CIITA: variants seen among roughly 807,000 people sequenced by gnomAD.
CIITA encodes the protein MHC class II transactivator.
Under a neutral mutation model 115.1 loss-of-function variants are expected in CIITA, and 72 were observed. The observed-to-expected ratio is 0.63, with a 90% CI of 0.52 to 0.76. The LOEUF (loss-of-function observed/expected upper bound fraction) is 0.76. CIITA is among the 30% of genes least tolerant of loss of function. The pLI, the probability that CIITA is intolerant of heterozygous loss-of-function variation, is 0.00. For synonymous variants in CIITA, 763 were observed against 635.6 expected (o/e 1.20, Z -3.02); for missense variants, 1,617 against 1,463.8 (o/e 1.10, Z -1.71).
At chr16:10,872,975 T>C (rs1285538977), upstream of CIITA, among the ~76,000 whole-genome samples, 1 of 152,216 alleles carries the variant, frequency 6.6e-6, no homozygotes, top group Admixed American at 6.5e-5. Context: ...TATTTTATTA[T>C]TTTATTTTAT....
At chr16:10,867,764 T>C (rs1157562027) in intron 1 of CIITA, among the ~76,000 whole-genome samples, 1 of 152,142 alleles carries the variant, frequency 6.6e-6, no homozygotes, top group Non-Finnish European at 1.5e-5. Flanking sequence ...CACAACTTTC[T>C]TTCTTTTTTT....
At chr16:10,878,288 C>T (rs959133204) in intron 1 of CIITA, among the ~76,000 whole-genome samples, 2 of 152,108 alleles carry the variant, frequency 1.3e-5, no homozygotes, top group Non-Finnish European at 2.9e-5. Context: ...TAAGTTGCTA[C>T]GGGAAAGTGT....
At chr16:10,908,933 A>G in intron 11 of CIITA, 96 bp from the exon 12 acceptor site, 1 of 1,569,278 alleles carries the variant, frequency 6.4e-7, no homozygotes, top group Non-Finnish European at 8.7e-7. Context: ...AAGGAAAGAA[A>G]GTATTTTAAT....
chr16:10,871,566 G>A (rs1567347991), intron 1 of CIITA, among the ~76,000 whole-genome samples: 1 of 152,140 alleles, frequency 6.6e-6, no homozygotes, highest in Non-Finnish European at 1.5e-5. Context: ...CTGATTTATT[G>A]GAAAGGGAGG....
In CIITA at chr16:10,879,778, G is replaced by A. The variant is rs2036233099; in HGVS notation, c.52+2396G>A. ...GCGTGCGAATGCCGGGGTGGGAGTG[G>A]GAGATTGGATCTCCCTGGGGTCCAG... is the stretch of plus-strand genomic sequence containing the variant. On this transcript the variant is annotated intron_variant, in intron 1 of 19. Transcript: ENST00000324288. This position sits in a 1 kb window ranked among gnomAD's most constrained non-coding sequence, Gnocchi z 4.3. Among the ~76,000 whole-genome samples the A allele has an allele frequency of 6.6e-6, 1 of 152,150 alleles. No homozygotes were observed. The highest frequency in any genetic ancestry group is 2.4e-5 in the African/African-American group (1 of 41,430).
intron 8 of CIITA, among the ~76,000 whole-genome samples, chr16:10,903,275 T>C (rs2144602438): frequency 6.6e-6 from 1 of 152,292 alleles, no homozygotes; most frequent in East Asian, 1.9e-4. Context: ...CCCACCACAC[T>C]GAGGGGTTGT....
upstream of CIITA, among the ~76,000 whole-genome samples, chr16:10,875,436 T>C (rs1017799041): frequency 6.6e-6 from 1 of 152,028 alleles, no homozygotes; most frequent in African/African-American, 2.4e-5. Flanking sequence ...TCATCCTCAT[T>C]TCACACATGG....
At chr16:10,898,103 A>C (rs1049247277) in intron 3 of CIITA, among the ~76,000 whole-genome samples, 1 of 152,084 alleles carries the variant, frequency 6.6e-6, no homozygotes, top group Non-Finnish European at 1.5e-5. Flanking sequence ...TGATTGCCCT[A>C]TTCCACCATA....
At chr16:10,870,876 A>T (rs1012584398) in intron 1 of CIITA, among the ~76,000 whole-genome samples, 4 of 152,258 alleles carry the variant, frequency 2.6e-5, no homozygotes, top group Non-Finnish European at 5.9e-5. Context: ...CAGGAAGAAG[A>T]TAAACCAGGG....
chr16:10,889,156 GCTCT>G, intron 1 of CIITA, among the ~76,000 whole-genome samples: 1 of 152,240 alleles, frequency 6.6e-6, no homozygotes. Flanking sequence ...GAGCTGAAGG[GCTCT>G]CTCTCCTGCC....
chr16:10,883,124 G>T (rs978253158), intron 1 of CIITA, among the ~76,000 whole-genome samples: 4 of 152,148 alleles, frequency 2.6e-5, no homozygotes, highest in African/African-American at 7.2e-5. Context: ...CTGGCGGGGG[G>T]ACTGTGTTAA....
rs932981635 is a variant in CIITA at position 10,932,455 on chromosome 16, T to G, written c.*8600T>G. The G allele has an allele frequency of 1.3e-5, 2 of 152,102 alleles. No homozygotes were observed. The highest frequency in any genetic ancestry group is 2.4e-5 in the African/African-American group (1 of 41,396). 9.4% of individuals were successfully genotyped at this position (152,102 alleles called of 1,614,324 possible). On this transcript the variant is annotated 3_prime_UTR_variant, in exon 20 of 20. Coordinates refer to ENST00000324288, the MANE Select transcript of CIITA (RefSeq NM_000246.4). ...AAGCCGTGCAAGGCCACACAGCTCA[T>G]AAATGGCAGAGCCAGGATTTGAACC...
chr16:10,907,983 G>C lies in CIITA; in HGVS notation c.2491G>C (p.Gly831Arg), dbSNP rs759652613. Reference protein sequence around the residue: ...IWQHVVQELPGRLSFLGTRLT... With the variant: ...IWQHVVQELPRRLSFLGTRLT... ...GCAGCACGTGGTACAGGAGCTCCCC[G>C]GCCGCCTCTCTTTTCTGGGCACCCG... Residue 831 changes from glycine to arginine, a missense_variant, in exon 11 of 20, where the codon GGC becomes CGC. By Grantham distance (125) the Gly-to-Arg change is moderately radical (BLOSUM62 -2). Transcript: ENST00000324288. The surrounding 1 kb of genome is among the most constrained non-coding windows in gnomAD (Gnocchi z 5.0). 4.4e-6 allele frequency: 7 copies of C among 1,585,834 alleles called. No homozygotes were observed. The East Asian group carries it at 9.0e-5, about 20-fold the overall frequency.
chr16:10,900,901 C>T (rs1382840025), intron 5 of CIITA, among the ~76,000 whole-genome samples: 6 of 152,182 alleles, frequency 3.9e-5, no homozygotes, highest in Admixed American at 3.3e-4. Context: ...TCCATCCACA[C>T]ACCCATTCAT....
chr16:10,866,338 A>G (rs745446611), intron 1 of CIITA: 1 of 569,086 alleles, frequency 1.8e-6, no homozygotes, highest in Non-Finnish European at 3.4e-6. Context: ...GCTGCTCTCC[A>G]GCCATCAGCC....
intron 1 of CIITA, among the ~76,000 whole-genome samples, chr16:10,870,557 G>C (rs527881793): frequency 6.6e-6 from 1 of 152,212 alleles, no homozygotes; most frequent in African/African-American, 2.4e-5. Flanking sequence ...TCTATCAGAG[G>C]CCAAAGAAGG....
At position 10,924,239 on chromosome 16, in the gene CIITA, CT is replaced by C. The variant is rs200657631; in HGVS notation, c.*393del. ...CTGCCACCCTGGGGAGAAAGTACTT[CT>C]TTTTTTTTATTTTTAGACAGAGTCT... On this transcript the variant is annotated 3_prime_UTR_variant, in exon 20 of 20. Transcript: ENST00000324288. 8.6e-4 allele frequency: 130 copies of C among 151,918 alleles called. No individual in the cohort carries two copies. The highest frequency in any genetic ancestry group is 1.4e-3 in the Non-Finnish European group (95 of 68,012). 9.4% of individuals were successfully genotyped at this position (151,918 alleles called of 1,614,324 possible).
Position 10,907,224 on chromosome 16 carries a change from G to T in CIITA, c.1732G>T (p.Val578Leu). 1 of 1,613,450 alleles carries T rather than the reference G, an allele frequency of 6.2e-7. No homozygotes were observed. The highest frequency in any genetic ancestry group is 8.5e-7 in the Non-Finnish European group (1 of 1,179,982). Residue 578 changes from valine to leucine, a missense_variant, in exon 11 of 20, where the codon GTG becomes TTG. By Grantham distance (32) the Val-to-Leu change is conservative. Coordinates refer to ENST00000324288, the MANE Select transcript of CIITA (RefSeq NM_000246.4). This position sits in a 1 kb window ranked among gnomAD's most constrained non-coding sequence, Gnocchi z 5.0. The part of the protein sequence containing the change: ...GFSMEQAQAY[V>L]MRYFESSGMT... ...CTCCATGGAGCAGGCCCAGGCATAC[G>T]TGATGCGCTACTTTGAGAGCTCAGG...
intron 9 of CIITA, among the ~76,000 whole-genome samples, chr16:10,904,265 A>G (rs1285976429): frequency 1.3e-5 from 2 of 152,174 alleles, no homozygotes; most frequent in Non-Finnish European, 2.9e-5. Flanking sequence ...TCTGTTGCCC[A>G]GGCTAGAGTG....
Sources: allele counts gnomAD v4.1 joint callset (sites outside exome capture counted in the v4.1 genomes callset), GRCh38; gene constraint gnomAD v4.1.1; non-coding constraint Gnocchi (gnomAD v3.1); transcripts MANE v1.5; gene names NCBI Gene and HGNC (gene_info 2026-07-23, HGNC 2026-07-21).